MED13L: variants seen among roughly 807,000 people sequenced by gnomAD.
MED13L encodes mediator of RNA polymerase II transcription subunit 13-like.
MED13L carries 7 observed loss-of-function variants against 220.9 expected under a neutral mutation model. The observed-to-expected ratio is 0.03, with a 90% CI of 0.02 to 0.06. The LOEUF (loss-of-function observed/expected upper bound fraction) is 0.06, where lower values mean the gene tolerates loss of function less well. Among genes scored for constraint, MED13L ranks in the 10% least tolerant of loss-of-function variants. MED13L has a pLI of 1.00. For synonymous variants in MED13L, 1,011 were observed against 1,015.2 expected (o/e 1.00, Z 0.08); for missense variants, 1,965 against 2,760.5 (o/e 0.71, Z 6.46).
chr12:116,244,961 T>G (rs998295966), intron 1 of MED13L, among the ~76,000 whole-genome samples: 2 of 151,814 alleles, frequency 1.3e-5, no homozygotes, highest in Non-Finnish European at 2.9e-5. Context: ...CAAAATAAAA[T>G]TAAAAGAAAA....
intron 2 of MED13L, among the ~76,000 whole-genome samples, chr12:116,208,529 A>C (rs570584688): frequency 5.3e-5 from 8 of 152,254 alleles, no homozygotes; most frequent in Non-Finnish European, 1.2e-4. Flanking sequence ...CATAGGGGAA[A>C]GTTAACGTAG....
chr12:115,961,636 G>C (rs1281407287), intron 30 of MED13L: 2 of 567,062 alleles, frequency 3.5e-6, no homozygotes, highest in Non-Finnish European at 6.3e-6. Flanking sequence ...AGGCCAGTAG[G>C]AACTTGCGTG....
At chr12:116,264,490 C>T (rs929657618) in intron 1 of MED13L, among the ~76,000 whole-genome samples, 5 of 152,118 alleles carry the variant, frequency 3.3e-5, no homozygotes, top group African/African-American at 4.8e-5. Context: ...TTTGTTTATT[C>T]GGCCTGAAGC....
At chr12:116,054,377 T>C (rs1213845043) in intron 4 of MED13L, among the ~76,000 whole-genome samples, 1 of 152,172 alleles carries the variant, frequency 6.6e-6, no homozygotes, top group Non-Finnish European at 1.5e-5. Context: ...AACCAAAATA[T>C]ATTCAGAATA....
chr12:115,990,828 G>T (rs1256365855), intron 17 of MED13L, among the ~76,000 whole-genome samples, 192 bp downstream of exon 17: 2 of 152,088 alleles, frequency 1.3e-5, no homozygotes, highest in East Asian at 3.9e-4. Flanking sequence ...TTCTCCAAAG[G>T]CATTTCAATA....
At chr12:116,172,450 T>C (rs1046996520) in intron 2 of MED13L, among the ~76,000 whole-genome samples, 2 of 152,178 alleles carry the variant, frequency 1.3e-5, no homozygotes, top group Admixed American at 6.6e-5. Flanking sequence ...GACTGCCTCT[T>C]CCAGGTTTCA....
At chr12:116,205,106 T>A (rs1207317558) in intron 2 of MED13L, among the ~76,000 whole-genome samples, 2 of 152,128 alleles carry the variant, frequency 1.3e-5, no homozygotes, top group African/African-American at 4.8e-5. Context: ...CTTCATACTG[T>A]CGCCAAATCC....
intron 14 of MED13L, among the ~76,000 whole-genome samples, chr12:116,002,656 TTATAA>T (rs1274593101): frequency 2.0e-5 from 3 of 152,226 alleles, no homozygotes; most frequent in East Asian, 1.9e-4. Context: ...TTACACAGTC[TTATAA>T]TAGAGTATCA....
chr12:116,231,939 A>C (rs1869599907), intron 2 of MED13L: 1 of 230,316 alleles, frequency 4.3e-6, no homozygotes, highest in Non-Finnish European at 7.2e-6. Flanking sequence ...GGAATTGTAG[A>C]CTGTAATCTA....
At chr12:116,180,551 T>C (rs1332787394) in intron 2 of MED13L, among the ~76,000 whole-genome samples, 7 of 152,120 alleles carry the variant, frequency 4.6e-5, no homozygotes, top group African/African-American at 1.7e-4. Flanking sequence ...TCCCAAACAC[T>C]TCTGGTCCCA....
At chr12:116,276,320 G>GTGTGTC (rs2138612731) in intron 1 of MED13L, 2 of 427,588 alleles carry the variant, frequency 4.7e-6, no homozygotes, top group East Asian at 1.5e-4. Flanking sequence ...GTGTGTGTGT[G>GTGTGTC]TGTGTGTGTG....
At chr12:116,230,164 G>A (rs761504093) in intron 2 of MED13L, among the ~76,000 whole-genome samples, 1 of 152,146 alleles carries the variant, frequency 6.6e-6, no homozygotes, top group Non-Finnish European at 1.5e-5. Flanking sequence ...AGCACTTTGG[G>A]AGGCCAAGGC....
chr12:116,187,633 T>C (rs911191069), intron 2 of MED13L, among the ~76,000 whole-genome samples: 2 of 152,178 alleles, frequency 1.3e-5, no homozygotes, highest in Non-Finnish European at 2.9e-5. Flanking sequence ...CCTAAAATTA[T>C]ATTTCTATAA....
chr12:116,244,175 T>C (rs1453534253), intron 1 of MED13L, among the ~76,000 whole-genome samples: 1 of 152,122 alleles, frequency 6.6e-6, no homozygotes, highest in African/African-American at 2.4e-5. Context: ...CCTCACTTCC[T>C]CCAATGATAG....
intron 4 of MED13L, among the ~76,000 whole-genome samples, chr12:116,090,165 A>G (rs1327059753): frequency 6.6e-6 from 1 of 152,220 alleles, no homozygotes; most frequent in Non-Finnish European, 1.5e-5. Flanking sequence ...TTATTCATTC[A>G]TGCTCTGAAG....
intron 14 of MED13L, among the ~76,000 whole-genome samples, chr12:116,002,380 T>A (rs1249114115): frequency 6.6e-6 from 1 of 152,206 alleles, no homozygotes; most frequent in African/African-American, 2.4e-5. Flanking sequence ...GAGAAGGTGT[T>A]AAAGAATGAT....
chr12:116,246,495 A>T (rs761501722), intron 1 of MED13L, among the ~76,000 whole-genome samples: 22 of 150,992 alleles, frequency 1.5e-4, no homozygotes, highest in Non-Finnish European at 3.0e-4. Context: ...ATAGGCAAAA[A>T]CTGTGGGGAT....
chr12:116,029,102 A>C (rs1880569103), intron 4 of MED13L, among the ~76,000 whole-genome samples: 1 of 152,184 alleles, frequency 6.6e-6, no homozygotes, highest in South Asian at 2.1e-4. Flanking sequence ...GGAGACATTA[A>C]TACTAGTATC....
chr12:116,146,522 T>C (rs925651665), intron 2 of MED13L, among the ~76,000 whole-genome samples: 19 of 152,038 alleles, frequency 1.2e-4, no homozygotes, highest in African/African-American at 4.3e-4. Flanking sequence ...TCTTTCAGCA[T>C]GGCCTAGGGA....
Sources: allele counts gnomAD v4.1 joint callset (sites outside exome capture counted in the v4.1 genomes callset), GRCh38; gene constraint gnomAD v4.1.1; transcripts MANE v1.5; gene names NCBI Gene and HGNC (gene_info 2026-07-23, HGNC 2026-07-21).